Variants in LAMA5 observed in about 807,000 individuals in gnomAD.
LAMA5 encodes the protein laminin subunit alpha-5.
A neutral mutation model predicts 433.4 loss-of-function variants in LAMA5; 260 were observed. The ratio of observed to expected loss-of-function variants is 0.60; its 90% CI spans 0.54 to 0.66. The LOEUF (loss-of-function observed/expected upper bound fraction) is 0.66, where lower values mean the gene tolerates loss of function less well. Among genes scored for constraint, LAMA5 ranks in the 30% least tolerant of loss-of-function variants. The pLI is 0.00. For missense variants in LAMA5, 5,378 were observed against 5,258.5 expected (o/e 1.02, Z -0.70); for synonymous variants, 2,620 against 2,226.6 (o/e 1.18, Z -4.97).
intron 1 of LAMA5, 48 bp from the exon 2 acceptor site, chr20:62,362,600 C>T: frequency 4.3e-6 from 6 of 1,411,348 alleles, no homozygotes; most frequent in Non-Finnish European, 5.6e-6. Context: ...GCCGGGGCCC[C>T]CTTCCTCCTC....
intron 53 of LAMA5, 82 bp from the exon 54 acceptor site, chr20:62,317,860 G>T (rs906563654): frequency 4.8e-6 from 1 of 206,360 alleles, no homozygotes; most frequent in Non-Finnish European, 7.7e-6. Context: ...GCAGGGCAGG[G>T]AAGGGAGAAG....
rs1360278965 is a variant in LAMA5 at position 62,330,774 on chromosome 20, T to G, written c.3821A>C (p.Asp1274Ala). The change falls in exon 30 of 80, where the codon GAT becomes GCT. Residue 1274 changes from aspartate (D) to alanine (A), a missense_variant. By Grantham distance (126) the Asp-to-Ala change is moderately radical (BLOSUM62 -2). Transcript: ENST00000252999. ...RPRPPTAVDPDAEPTLLREPQ... is the reference protein window; with the variant it reads ...RPRPPTAVDPAAEPTLLREPQ... The stretch of plus-strand genomic sequence containing the variant: ...CTCACGCAGCAGGGTGGGCTCTGCA[T>G]CAGGGTCCACAGCGGTGGGGGGCCG... 3 of 1,564,122 alleles carry G rather than the reference T, an allele frequency of 1.9e-6. No individual in the cohort carries two copies. Among genetic ancestry groups the G allele is most frequent in the Non-Finnish European group, 2.6e-6 (3 of 1,155,230 alleles).
At chr20:62,310,879 C>T in intron 74 of LAMA5, 23 bp downstream of exon 74, 1 of 1,607,370 alleles carries the variant, frequency 6.2e-7, no homozygotes, top group South Asian at 1.1e-5. Context: ...CTGCCCACCA[C>T]CTTCCTTCTT....
At chr20:62,316,820 T>C (rs371651286) in intron 56 of LAMA5, 47 bp from the exon 57 acceptor site, 30 of 1,555,872 alleles carry the variant, frequency 1.9e-5, no homozygotes, top group Middle Eastern at 2.0e-4. Context: ...AGGCCGGGGC[T>C]GCGGGAGGTG....
intron 28 of LAMA5, among the ~76,000 whole-genome samples, chr20:62,331,721 G>A (rs1465636296): frequency 1.3e-5 from 2 of 152,172 alleles, no homozygotes; most frequent in African/African-American, 4.8e-5. Flanking sequence ...ACAACGGTGG[G>A]AGACGCGGCT....
At position 62,317,546 on chromosome 20, in the gene LAMA5, G is replaced by A. The variant is rs769673392; in HGVS notation, c.7357-47C>T. On this transcript the variant is annotated intron_variant, in intron 54 of 79. Transcript: ENST00000252999. ...CCCCTCATCCTGCTCACAGCCACCT[G>A]ATCCACGACCCTGAGGGCGGGCTCT... is the stretch of plus-strand genomic sequence containing the variant. 1.1e-5 allele frequency: 17 copies of A among 1,524,128 alleles called. No individual in the cohort carries two copies. In the African/African-American group the frequency reaches 1.4e-4, roughly 12 times the overall value. The allele number at this position is 1,524,128 out of a possible 1,614,324, so 94.4% of individuals were successfully genotyped here. A position where few individuals can be genotyped will look rare whatever the true frequency, so the allele number is the denominator to read the frequency against.
Position 62,324,042 on chromosome 20 carries a change from C to A in LAMA5, c.5768+38G>T. On this transcript the variant is annotated intron_variant, in intron 43 of 79. Coordinates refer to ENST00000252999, the MANE Select transcript of LAMA5 (RefSeq NM_005560.6). The surrounding 1 kb of genome is among the most constrained non-coding windows in gnomAD (Gnocchi z 4.4). ...CCGCTGCTGGGTGAAGGGAGCCTGG[C>A]ACCATCAGGGCCTCGTCCCGGGAGG... The A allele has an allele frequency of 6.8e-7, 1 of 1,479,070 alleles. No individual in the cohort carries two copies. Among genetic ancestry groups the A allele is most frequent in the Admixed American group, 2.7e-5 (1 of 36,630 alleles). The allele number at this position is 1,479,070 out of a possible 1,614,324, so 91.6% of individuals were successfully genotyped here.
At chr20:62,346,464 G>C (rs531489601) in intron 9 of LAMA5, 42 bp downstream of exon 9, 1 of 1,527,136 alleles carries the variant, frequency 6.5e-7, no homozygotes, top group African/African-American at 1.4e-5. Flanking sequence ...TTTCCAGGCA[G>C]ACCCTGAGAC....
Position 62,338,000 on chromosome 20 carries a change from C to T in LAMA5, c.1891+16G>A, listed in dbSNP as rs1568952482. ...GTGGGTGGCAGAACCCCTTCCTGCC[C>T]TGACCCTCTGCTCACCTTGGCAGTT... On this transcript the variant is annotated intron_variant, in intron 14 of 79. Transcript: ENST00000252999. 7 of 1,595,096 alleles carry T rather than the reference C, an allele frequency of 4.4e-6. No homozygotes were observed. Among genetic ancestry groups the T allele is most frequent in the African/African-American group, 1.3e-5 (1 of 74,588 alleles).
chr20:62,313,822 G>C lies in LAMA5; in HGVS notation c.8505-20C>G. On this transcript the variant is annotated intron_variant, in intron 62 of 79. Transcript: ENST00000252999. ...AGAGTCCTGAGGGCAGAGGCGAGGG[G>C]TGGCGAGTGGGCACGGAGAGATGAG... 1 of 1,610,780 alleles carries C rather than the reference G, an allele frequency of 6.2e-7. No individual in the cohort carries two copies. The highest frequency in any genetic ancestry group is 1.1e-5 in the South Asian group (1 of 90,988).
rs775366239 is a variant in LAMA5 at position 62,310,274 on chromosome 20, T to A, written c.10638A>T (p.Glu3546Asp). 1 of 1,611,202 alleles carries A rather than the reference T, an allele frequency of 6.2e-7. No individual in the cohort carries two copies. Among genetic ancestry groups the A allele is most frequent in the East Asian group, 2.2e-5 (1 of 44,832 alleles). Residue 3546 changes from glutamate (E) to aspartate (D), a missense_variant, in exon 77 of 80, where the codon GAA becomes GAT. Coordinates refer to ENST00000252999, the MANE Select transcript of LAMA5 (RefSeq NM_005560.6). ...PGATLPDVGL[E>D]LEVRPLAVTG... ...TGACTGCCAGGGGCCGCACCTCCAG[T>A]TCCAGGCCCACATCAGGCAGTGTAG...
At position 62,320,861 on chromosome 20, in the gene LAMA5, C is replaced by T; in HGVS notation, c.6526G>A (p.Asp2176Asn). Residue 2176 changes from aspartate to asparagine, a missense_variant, in exon 49 of 80, where the codon GAT becomes AAT. Asp to Asn is a conservative substitution (Grantham distance 23, BLOSUM62 1). Coordinates refer to ENST00000252999, the MANE Select transcript of LAMA5 (RefSeq NM_005560.6). Reference protein sequence around the residue: ...VCDHCVVLLLDDLERAGALLP... With the variant: ...VCDHCVVLLLNDLERAGALLP... ...AGGGCGCCGGCCCGTTCCAGGTCAT[C>T]CAGGAGCAGGACCACACAGTGGTCA... 1 of 1,611,944 alleles carries T rather than the reference C, an allele frequency of 6.2e-7. No homozygotes were observed.
intron 2 of LAMA5, among the ~76,000 whole-genome samples, chr20:62,362,116 G>T (rs942289668): frequency 6.6e-6 from 1 of 152,220 alleles, no homozygotes; most frequent in African/African-American, 2.4e-5. Flanking sequence ...GCCCCAAGCT[G>T]TCTACTCAGC....
chr20:62,338,197 C>T (rs371053844), intron 13 of LAMA5, 35 bp downstream of exon 13: 19 of 1,574,492 alleles, frequency 1.2e-5, no homozygotes, highest in South Asian at 7.0e-5. Context: ...CACGGGCCTC[C>T]CCTACCCACG....
intron 6 of LAMA5, chr20:62,350,961 T>G (rs1245706915): frequency 6.6e-6 from 1 of 152,430 alleles, no homozygotes; most frequent in African/African-American, 2.4e-5. Flanking sequence ...CTGGGGTTGC[T>G]TCTCCGCAGA....
chr20:62,333,666 C>CG lies in LAMA5; in HGVS notation c.2918dup (p.Glu974GlyfsTer42). 1 of 1,594,942 alleles carries CG rather than the reference C, an allele frequency of 6.3e-7. No individual in the cohort carries two copies. The highest frequency in any genetic ancestry group is 8.5e-7 in the Non-Finnish European group (1 of 1,172,610). Reference sequence around the variant, plus strand: ...GGGGCACGGTGATGAAGGCAGGCTCCGTGCTGGGTGGGAAGGCCACGGGCT... The same window carrying CG: ...GGGGCACGGTGATGAAGGCAGGCTCCGGTGCTGGGTGGGAAGGCCACGGGCT... On this transcript the variant is annotated frameshift_variant, in exon 24 of 80. Transcript: ENST00000252999. LOFTEE classifies it high-confidence loss of function.
intron 48 of LAMA5, 138 bp from the exon 49 acceptor site, chr20:62,321,028 G>T: frequency 1.1e-6 from 1 of 918,010 alleles, no homozygotes; most frequent in Non-Finnish European, 1.6e-6. Context: ...CAGGACCTGT[G>T]GGGAGGTCCC....
chr20:62,320,145 C>G (rs1987517515), intron 50 of LAMA5, among the ~76,000 whole-genome samples: 3 of 151,582 alleles, frequency 2.0e-5, no homozygotes, highest in Non-Finnish European at 4.4e-5. Flanking sequence ...ATGGAGAAAC[C>G]CCATCTGTAC....
chr20:62,317,646 C>G lies in LAMA5; in HGVS notation c.7356+16G>C. Reference sequence around the variant, plus strand: ...CCGTGGATGGGGTGGCGACAGGGGCCAGGGGCTGCACTCACCTCCTTAGCC... The same window carrying G: ...CCGTGGATGGGGTGGCGACAGGGGCGAGGGGCTGCACTCACCTCCTTAGCC... On this transcript the variant is annotated intron_variant, in intron 54 of 79. Coordinates refer to ENST00000252999, the MANE Select transcript of LAMA5 (RefSeq NM_005560.6). 3 of 1,545,920 alleles carry G rather than the reference C, an allele frequency of 1.9e-6. No individual in the cohort carries two copies. The highest frequency in any genetic ancestry group is 2.6e-6 in the Non-Finnish European group (3 of 1,143,040).
Sources: allele counts gnomAD v4.1 joint callset (sites outside exome capture counted in the v4.1 genomes callset), GRCh38; gene constraint gnomAD v4.1.1; non-coding constraint Gnocchi (gnomAD v3.1); transcripts MANE v1.5; gene names NCBI Gene and HGNC (gene_info 2026-07-23, HGNC 2026-07-21).